The following PAXBP1 variants were observed in gnomAD, a reference collection of about 807,000 sequenced individuals.
The protein encoded by PAXBP1 is PAX3 and PAX7 binding protein 1.
Under a neutral mutation model 119.9 loss-of-function variants are expected in PAXBP1, and 44 were observed. The ratio of observed to expected loss-of-function variants is 0.37; its 90% CI spans 0.29 to 0.47. The LOEUF (loss-of-function observed/expected upper bound fraction) is 0.47, where lower values mean the gene tolerates loss of function less well. PAXBP1 is among the 20% of genes least tolerant of loss of function. PAXBP1 has a pLI of 0.99. For missense variants in PAXBP1, 898 were observed against 1,134.1 expected, an observed-to-expected ratio of 0.79 and a Z score of 2.99; for synonymous variants, 393 against 406.6, an observed-to-expected ratio of 0.97 and a Z score of 0.40.
At chr21:32,769,663 C>A in intron 2 of PAXBP1, 151 bp downstream of exon 2, 2 of 638,278 alleles carry the variant, frequency 3.1e-6, no homozygotes, top group South Asian at 2.2e-5. Context: ...ATCTGTGTTA[C>A]AATTAAATAA....
intron 1 of PAXBP1, among the ~76,000 whole-genome samples, chr21:32,771,113 A>G (rs879483132): frequency 2.0e-5 from 3 of 152,220 alleles, no homozygotes; most frequent in Admixed American, 2.0e-4. Context: ...CCCGTGGCAG[A>G]GGAGGTGGTT....
chr21:32,753,734 C>T (rs1271348172), intron 8 of PAXBP1, among the ~76,000 whole-genome samples: 1 of 152,164 alleles, frequency 6.6e-6, no homozygotes, highest in African/African-American at 2.4e-5. Context: ...TTTTCACTTT[C>T]CCAGTATCTT....
intron 15 of PAXBP1, 79 bp from the exon 16 acceptor site, chr21:32,738,398 A>C: frequency 8.4e-7 from 1 of 1,193,290 alleles, no homozygotes; most frequent in Non-Finnish European, 1.2e-6. Flanking sequence ...GTAAAACACC[A>C]TATGAAATAC....
Position 32,751,002 on chromosome 21 carries a change from G to C in PAXBP1, c.1638C>G (p.Thr546=). 1 of 1,614,006 alleles carries C rather than the reference G, an allele frequency of 6.2e-7. No homozygotes were observed. The highest frequency in any genetic ancestry group is 1.1e-5 in the South Asian group (1 of 91,066). Residue 546 remains threonine (T), a synonymous_variant, in exon 10 of 18, where the codon ACC becomes ACG. Coordinates refer to ENST00000331923, the MANE Select transcript of PAXBP1 (RefSeq NM_016631.4). ...CTTCAAGGTGATCTGCCATCTTACC[G>C]GTTTGTTCTCTGGCTTGTCTACGAC... ...RTRRRQAREQ[T]GKMADHLEGL...
chr21:32,751,574 AAAT>A (rs2146490858), intron 8 of PAXBP1: 1 of 164,042 alleles, frequency 6.1e-6, no homozygotes, highest in South Asian at 1.6e-4. Flanking sequence ...GCAAAGGGAA[AAAT>A]ATTACATTTT....
intron 15 of PAXBP1, chr21:32,741,661 GTT>G: frequency 4.5e-6 from 3 of 670,724 alleles, no homozygotes; most frequent in Non-Finnish European, 8.1e-6. Context: ...TTTATGGCCA[GTT>G]TTTACACAGA....
chr21:32,745,851 A>C, intron 11 of PAXBP1, 133 bp from the exon 12 acceptor site: 1 of 1,058,580 alleles, frequency 9.4e-7, no homozygotes, highest in Non-Finnish European at 1.4e-6. Flanking sequence ...TGGAGATATC[A>C]TGCTACCAGA....
At position 32,744,294 on chromosome 21, in the gene PAXBP1, G is replaced by A. The variant is rs4501024; in HGVS notation, c.2190+498C>T. Among the ~76,000 whole-genome samples the A allele has an allele frequency of 1.6e-3, 237 of 151,546 alleles. 2 individuals are homozygous for A. Among genetic ancestry groups the A allele is most frequent in the African/African-American group, 5.4e-3 (224 of 41,378 alleles). On this transcript the variant is annotated intron_variant, in intron 13 of 17. Coordinates refer to ENST00000331923, the MANE Select transcript of PAXBP1 (RefSeq NM_016631.4). ...AAAAAAAAGAAAAAAAAAAAGGAGG[G>A]GGGCGGGGTCTGTGCATAAATTTCA...
intron 15 of PAXBP1, among the ~76,000 whole-genome samples, chr21:32,740,924 T>G (rs532169352): frequency 1.3e-5 from 2 of 152,298 alleles, no homozygotes; most frequent in East Asian, 3.9e-4. Context: ...AGCAAAAGAT[T>G]TGAAGACATT....
chr21:32,751,890 C>T (rs2043963298), intron 8 of PAXBP1: 1 of 152,166 alleles, frequency 6.6e-6, no homozygotes. Context: ...AGCTTCCAAT[C>T]CTATTTAAAT....
Position 32,771,712 on chromosome 21 carries a change from G to C in PAXBP1, c.-44C>G. On this transcript the variant is annotated 5_prime_UTR_variant, in exon 1 of 18. Coordinates refer to ENST00000331923, the MANE Select transcript of PAXBP1 (RefSeq NM_016631.4). The stretch of plus-strand genomic sequence containing the variant: ...GGTCGAATACTCGCTTCCACACCGC[G>C]GCCCCGGCAGCGCCGAGCTCGTGAC... 1 of 1,337,340 alleles carries C rather than the reference G, an allele frequency of 7.5e-7. No homozygotes were observed. The highest frequency in any genetic ancestry group is 9.6e-7 in the Non-Finnish European group (1 of 1,042,556). The allele number at this position is 1,337,340 out of a possible 1,614,324, so 82.8% of individuals were successfully genotyped here.
At chr21:32,758,410 C>T (rs569845692) in intron 7 of PAXBP1, among the ~76,000 whole-genome samples, 108 of 150,142 alleles carry the variant, frequency 7.2e-4, no homozygotes, top group African/African-American at 2.6e-3. Flanking sequence ...GAAAAAAAAT[C>T]AATTAGGAGG....
At chr21:32,749,147 AGCTGAATGGAT>A (rs2043920491) in intron 10 of PAXBP1, among the ~76,000 whole-genome samples, 1 of 152,150 alleles carries the variant, frequency 6.6e-6, no homozygotes, top group Admixed American at 6.5e-5. Context: ...GCCAACTATC[AGCTGAATGGAT>A]GCTAGGAACT....
intron 15 of PAXBP1, chr21:32,741,299 C>T (rs2043780025): frequency 7.6e-6 from 3 of 394,892 alleles, no homozygotes; most frequent in Middle Eastern, 6.9e-4. Context: ...TTCCCCTTTG[C>T]CCTATGAAGT....
At chr21:32,739,677 C>A (rs979339139) in intron 15 of PAXBP1, among the ~76,000 whole-genome samples, 3 of 151,712 alleles carry the variant, frequency 2.0e-5, no homozygotes, top group African/African-American at 7.3e-5. Context: ...GAGGCTGAGG[C>A]GGGCAGATCA....
chr21:32,761,147 T>A lies in PAXBP1; in HGVS notation c.887A>T (p.Asp296Val). ...IAEEIGIEGS[D>V]DDALVTGEQD... is the part of the protein sequence containing the mutation. ...TTCTCCAGTTACTAAAGCATCATCATCACTCCCCTCAATTCCTACAGCCAT... is the reference window on the plus strand; with the variant it reads ...TTCTCCAGTTACTAAAGCATCATCAACACTCCCCTCAATTCCTACAGCCAT... Residue 296 changes from aspartate (D) to valine (V), a missense_variant, in exon 5 of 18, where the codon GAT becomes GTT. Physicochemically the swap from Asp to Val is radical, Grantham distance 152. Transcript: ENST00000331923. 6.2e-7 allele frequency: 1 copy of A among 1,613,910 alleles called. No homozygotes were observed. Among genetic ancestry groups the A allele is most frequent in the Non-Finnish European group, 8.5e-7 (1 of 1,179,862 alleles).
At position 32,759,157 on chromosome 21, in the gene PAXBP1, C is replaced by T. The variant is rs1159299615; in HGVS notation, c.1306G>A (p.Gly436Ser). 1 of 1,614,038 alleles carries T rather than the reference C, an allele frequency of 6.2e-7. No homozygotes were observed. The highest frequency in any genetic ancestry group is 1.1e-5 in the South Asian group (1 of 91,074). ...AIERLEGSSGGIGERYKFLQE... is the reference protein window; with the variant it reads ...AIERLEGSSGSIGERYKFLQE... ...AAAAATTTATACCGTTCACCAATAC[C>T]CCCAGAAGACCCTTCTAATCTTTCA... is the stretch of plus-strand genomic sequence containing the variant. The change falls in exon 7 of 18, where the codon GGT becomes AGT. Residue 436 changes from glycine to serine, a missense_variant. Transcript: ENST00000331923.
chr21:32,760,894 CGTGCGTGCGT>C (rs2044129926), intron 5 of PAXBP1, among the ~76,000 whole-genome samples, 155 bp downstream of exon 5: 1 of 133,778 alleles, frequency 7.5e-6, no homozygotes, highest in Non-Finnish European at 1.6e-5. Flanking sequence ...TCTCTGTGTG[CGTGCGTGCGT>C]GTGTGTGTGT....
Position 32,761,114 on chromosome 21 carries a change from T to A in PAXBP1, c.920A>T (p.Glu307Val). The A allele has an allele frequency of 6.2e-7, 1 of 1,613,980 alleles. No homozygotes were observed. Among genetic ancestry groups the A allele is most frequent in the Non-Finnish European group, 8.5e-7 (1 of 1,180,022 alleles). ...CTCCTGTTCCCATCGGCTGAGCTCT[T>A]CATCCTGTTCTCCAGTTACTAAAGC... ...DDALVTGEQD[E>V]ELSRWEQEQI... The change falls in exon 5 of 18, where the codon GAA becomes GTA. Residue 307 changes from glutamate (E) to valine (V), a missense_variant. Coordinates refer to ENST00000331923, the MANE Select transcript of PAXBP1 (RefSeq NM_016631.4).
Sources: gnomAD v4.1 joint callset for allele counts (sites outside exome capture counted in the v4.1 genomes callset) on GRCh38, gnomAD v4.1.1 for gene constraint, MANE v1.5 for transcripts, NCBI Gene and HGNC (gene_info 2026-07-23, HGNC 2026-07-21) for gene names.